NAALADL2: variants seen among roughly 807,000 people sequenced by gnomAD.
NAALADL2 encodes the protein N-acetylated alpha-linked acidic dipeptidase like 2, also known as inactive N-acetylated-alpha-linked acidic dipeptidase-like protein 2.
Under a neutral mutation model 87.2 loss-of-function variants are expected in NAALADL2, and 76 were observed. The ratio of observed to expected loss-of-function variants is 0.87; its 90% confidence interval spans 0.72 to 1.05. The LOEUF (loss-of-function observed/expected upper bound fraction) is 1.05. Ranked by LOEUF, NAALADL2 falls within the 50% of genes least tolerant of loss-of-function variation. The probability of loss-of-function intolerance (pLI) is 0.00; values close to 1 mark genes in which losing one functional copy is unlikely to be tolerated. For missense variants in NAALADL2, 1,089 were observed against 945.8 expected (o/e 1.15, Z -1.99); for synonymous variants, 354 against 331.0 (o/e 1.07, Z -0.75).
chr3:174,702,103 A>G (rs1318047871), intron 2 of NAALADL2, among the ~76,000 whole-genome samples: 1 of 152,096 alleles, frequency 6.6e-6, no homozygotes, highest in Non-Finnish European at 1.5e-5. Flanking sequence ...CGTCTTTTTA[A>G]TTCTGGTCAG....
chr3:174,749,952 T>C (rs1362440551), intron 3 of NAALADL2, among the ~76,000 whole-genome samples: 1 of 152,220 alleles, frequency 6.6e-6, no homozygotes, highest in African/African-American at 2.4e-5. Flanking sequence ...TTTTTAAAAT[T>C]CTTCTTTATT....
intron 1 of NAALADL2, among the ~76,000 whole-genome samples, chr3:175,068,632 C>T (rs1289592492): frequency 6.6e-6 from 1 of 151,966 alleles, no homozygotes. Context: ...ATCAAGTTCA[C>T]TTGGGAATAA....
At chr3:174,582,318 A>G (rs1327111260) in intron 2 of NAALADL2, among the ~76,000 whole-genome samples, 1 of 152,210 alleles carries the variant, frequency 6.6e-6, no homozygotes, top group Non-Finnish European at 1.5e-5. Context: ...CTGGCTGGCT[A>G]TGGAATATCT....
intron 1 of NAALADL2, among the ~76,000 whole-genome samples, chr3:174,466,924 A>T (rs766446082): frequency 6.6e-6 from 1 of 152,158 alleles, no homozygotes; most frequent in Non-Finnish European, 1.5e-5. Context: ...TGAAGTTATG[A>T]TTCCTTTTGG....
chr3:175,148,781 A>T (rs1363885858), intron 2 of NAALADL2, among the ~76,000 whole-genome samples: 3 of 152,014 alleles, frequency 2.0e-5, no homozygotes, highest in Non-Finnish European at 4.4e-5. Flanking sequence ...TGGGTTCTGT[A>T]TTTGGTTCCA....
intron 11 of NAALADL2, among the ~76,000 whole-genome samples, chr3:175,650,948 A>G (rs1730679241): frequency 6.6e-6 from 1 of 152,198 alleles, no homozygotes; most frequent in Admixed American, 6.5e-5. Context: ...TCGAAGTTAC[A>G]TAACTTCTCT....
chr3:174,544,696 G>A (rs771153914), intron 1 of NAALADL2, among the ~76,000 whole-genome samples: 4 of 149,294 alleles, frequency 2.7e-5, no homozygotes, highest in East Asian at 4.0e-4. Flanking sequence ...TCAGCCTCCC[G>A]AGTAGCTGGG....
intron 4 of NAALADL2, among the ~76,000 whole-genome samples, chr3:175,258,381 T>C (rs1027362560): frequency 2.6e-5 from 4 of 151,162 alleles, no homozygotes; most frequent in Non-Finnish European, 5.9e-5. Flanking sequence ...GGCAGTCTCA[T>C]TTCAGATCCC....
At chr3:175,256,788 C>T (rs16825154) in intron 4 of NAALADL2, 3,597 of 237,506 alleles carry the variant, frequency 0.015, 129 homozygotes, top group African/African-American at 0.076. Context: ...TCAGGTAACA[C>T]TGAGTTTGTG....
intron 2 of NAALADL2, among the ~76,000 whole-genome samples, chr3:174,717,273 C>T (rs575765315): frequency 7.9e-5 from 12 of 152,068 alleles, no homozygotes; most frequent in Non-Finnish European, 1.6e-4. Flanking sequence ...CCCAGAGAGA[C>T]TCATTATAAA....
intron 5 of NAALADL2, among the ~76,000 whole-genome samples, chr3:175,395,395 T>C (rs529373519): frequency 6.6e-6 from 1 of 152,296 alleles, no homozygotes; most frequent in Non-Finnish European, 1.5e-5. Flanking sequence ...GTTATTCATC[T>C]TTTCTATCAT....
At chr3:175,124,120 T>C (rs115583773) in intron 2 of NAALADL2, among the ~76,000 whole-genome samples, 1 of 152,108 alleles carries the variant, frequency 6.6e-6, no homozygotes, top group African/African-American at 2.4e-5. Flanking sequence ...TTCATTTAAA[T>C]ATTTGACTTC....
chr3:175,626,107 TCTC>T (rs1293883923), intron 10 of NAALADL2, among the ~76,000 whole-genome samples: 1 of 151,962 alleles, frequency 6.6e-6, no homozygotes, highest in Admixed American at 6.6e-5. Flanking sequence ...AATATTTTCT[TCTC>T]CTCCATGTAT....
At chr3:175,401,327 A>G (rs1770535180) in intron 5 of NAALADL2, among the ~76,000 whole-genome samples, 1 of 152,140 alleles carries the variant, frequency 6.6e-6, no homozygotes, top group African/African-American at 2.4e-5. Flanking sequence ...TTACTAGTAC[A>G]TGGGTGGTTT....
intron 4 of NAALADL2, among the ~76,000 whole-genome samples, chr3:175,268,581 A>G (rs1752326638): frequency 1.3e-5 from 2 of 152,108 alleles, no homozygotes; most frequent in African/African-American, 4.8e-5. Context: ...TGAACTTTTT[A>G]CTTTTTTAAA....
intron 4 of NAALADL2, among the ~76,000 whole-genome samples, chr3:175,319,185 T>C (rs979937115): frequency 2.0e-5 from 3 of 152,230 alleles, no homozygotes. Context: ...CATTTCTCCT[T>C]AAATTCTTCC....
intron 9 of NAALADL2, among the ~76,000 whole-genome samples, chr3:175,478,303 T>G (rs752047127): frequency 6.6e-6 from 1 of 151,916 alleles, no homozygotes; most frequent in Non-Finnish European, 1.5e-5. Context: ...TTCTTTACAC[T>G]GAGTTACCAC....
chr3:175,053,742 C>A (rs147947943), intron 1 of NAALADL2, among the ~76,000 whole-genome samples: 1,855 of 152,318 alleles, frequency 0.012, 17 homozygotes, highest in Middle Eastern at 0.02. Context: ...AGGATTAACT[C>A]CTCCCGTAAA....
intron 1 of NAALADL2, chr3:175,081,307 C>T (rs2109241584): frequency 6.6e-6 from 1 of 152,228 alleles, no homozygotes; most frequent in East Asian, 1.9e-4. Context: ...AATGATTAAG[C>T]CAAGTGTATA....
Sources: gnomAD v4.1 joint callset for allele counts (sites outside exome capture counted in the v4.1 genomes callset) on GRCh38, gnomAD v4.1.1 for gene constraint, MANE v1.5 for transcripts, NCBI Gene and HGNC (gene_info 2026-07-23, HGNC 2026-07-21) for gene names.